Variants in RNF180 observed in about 807,000 individuals in gnomAD.
RNF180 encodes E3 ubiquitin-protein ligase RNF180.
Under a neutral mutation model 59.2 loss-of-function variants are expected in RNF180, and 38 were observed. The observed-to-expected ratio is 0.64, with a 90% CI of 0.50 to 0.84. RNF180 has a LOEUF of 0.84. Ranked by LOEUF, RNF180 falls within the 40% of genes least tolerant of loss-of-function variation. RNF180 has a pLI of 0.00. For synonymous variants in RNF180, 262 were observed against 240.3 expected (o/e 1.09, Z -0.84); for missense variants, 705 against 700.9 (o/e 1.01, Z -0.07).
chr5:64,200,242 G>A (rs1751672742), intron 1 of RNF180, among the ~76,000 whole-genome samples: 1 of 152,054 alleles, frequency 6.6e-6, no homozygotes, highest in Non-Finnish European at 1.5e-5. Context: ...ATACTAGCCT[G>A]TGCTACCAAG....
Position 64,370,348 on chromosome 5 carries a change from A to T in RNF180, c.*534A>T, listed in dbSNP as rs1236579147. Reference sequence around the variant, plus strand: ...TCCCTTTCTAGTACCAAGAAAACTGACTATTCTTTTTGTACAGATCTAATT... The same window carrying T: ...TCCCTTTCTAGTACCAAGAAAACTGTCTATTCTTTTTGTACAGATCTAATT... On this transcript the variant is annotated 3_prime_UTR_variant, in exon 8 of 8. Transcript: ENST00000389100. 1 of 151,874 alleles carries T rather than the reference A, an allele frequency of 6.6e-6. No homozygotes were observed. Among genetic ancestry groups the T allele is most frequent in the Non-Finnish European group, 1.5e-5 (1 of 67,906 alleles). 9.4% of individuals were successfully genotyped at this position (151,874 alleles called of 1,614,324 possible).
chr5:64,251,860 T>C (rs1743601959), intron 5 of RNF180, among the ~76,000 whole-genome samples: 1 of 151,754 alleles, frequency 6.6e-6, no homozygotes, highest in Non-Finnish European at 1.5e-5. Flanking sequence ...CAGAAAAAAA[T>C]ACCTAGAAAT....
At chr5:64,201,033 A>G in intron 2 of RNF180, 91 bp downstream of exon 2, 1 of 909,964 alleles carries the variant, frequency 1.1e-6, no homozygotes, top group East Asian at 2.8e-5. Flanking sequence ...TCTCTACCTT[A>G]TTAAGAATAT....
intron 2 of RNF180, among the ~76,000 whole-genome samples, chr5:64,208,643 T>C (rs1330522606): frequency 2.6e-5 from 4 of 152,080 alleles, no homozygotes; most frequent in East Asian, 1.9e-4. Flanking sequence ...GTGAAAGTAG[T>C]TGGCAGTTTC....
At chr5:64,317,339 A>G in intron 5 of RNF180, among the ~76,000 whole-genome samples, 1 of 152,108 alleles carries the variant, frequency 6.6e-6, no homozygotes, top group Non-Finnish European at 1.5e-5. Flanking sequence ...TATGTGTAAA[A>G]AATGTATGTC....
At chr5:64,283,663 T>A (rs1742128101) in intron 5 of RNF180, among the ~76,000 whole-genome samples, 1 of 152,184 alleles carries the variant, frequency 6.6e-6, no homozygotes, top group South Asian at 2.1e-4. Flanking sequence ...TTTCCCATGC[T>A]TGCACTTCTC....
chr5:64,293,318 A>G (rs1742708982), intron 5 of RNF180, among the ~76,000 whole-genome samples: 1 of 151,896 alleles, frequency 6.6e-6, no homozygotes, highest in Admixed American at 6.6e-5. Flanking sequence ...AGTCAGTCCA[A>G]ATGCAAGAAC....
intron 5 of RNF180, among the ~76,000 whole-genome samples, chr5:64,220,755 C>T (rs1741282961): frequency 6.6e-6 from 1 of 151,966 alleles, no homozygotes; most frequent in Non-Finnish European, 1.5e-5. Context: ...CCACAGGAAG[C>T]TGTTGTGAAA....
At chr5:64,263,861 T>A (rs188859629) in intron 5 of RNF180, among the ~76,000 whole-genome samples, 94 of 152,304 alleles carry the variant, frequency 6.2e-4, no homozygotes, top group African/African-American at 2.1e-3. Flanking sequence ...ATGTTTAGTC[T>A]TGTCTATTTT....
At position 64,209,745 on chromosome 5, in the gene RNF180, T is replaced by C. The variant is rs143921220; in HGVS notation, c.136-2320T>C. 4.4e-3 allele frequency among the ~76,000 whole-genome samples: 668 copies of C among 152,246 alleles called. 2 individuals are homozygous for C. Among genetic ancestry groups the C allele is most frequent in the African/African-American group, 0.016 (646 of 41,572 alleles). On this transcript the variant is annotated intron_variant, in intron 2 of 7. Coordinates refer to ENST00000389100, the MANE Select transcript of RNF180 (RefSeq NM_001113561.2). The stretch of plus-strand genomic sequence containing the variant: ...AAAAGATTACTTCATTTGTCAATTC[T>C]AGTTTGTATTCTCTGTAAGATTGTT...
chr5:64,355,025 CA>C (rs1745962466), intron 7 of RNF180, among the ~76,000 whole-genome samples: 1 of 151,812 alleles, frequency 6.6e-6, no homozygotes, highest in African/African-American at 2.4e-5. Flanking sequence ...TGAGGATGTC[CA>C]CTTTAACCAC....
chr5:64,284,738 T>C (rs1172041111), intron 5 of RNF180, among the ~76,000 whole-genome samples: 2 of 152,220 alleles, frequency 1.3e-5, no homozygotes, highest in African/African-American at 4.8e-5. Context: ...TTGTATTTCT[T>C]AGATTCCTTG....
In RNF180 at chr5:64,370,861, G is replaced by A. The variant is rs1746635986; in HGVS notation, c.*1047G>A. The A allele has an allele frequency of 6.6e-6, 1 of 151,280 alleles. No individual in the cohort carries two copies. 9.4% of individuals were successfully genotyped at this position (151,280 alleles called of 1,614,324 possible). ...ATTCTGGTGGTCTTTGTGAAACCTGGGACAAAGTTTTTATTATGAATTACT... is the reference window on the plus strand; with the variant it reads ...ATTCTGGTGGTCTTTGTGAAACCTGAGACAAAGTTTTTATTATGAATTACT... On this transcript the variant is annotated 3_prime_UTR_variant, in exon 8 of 8. Coordinates refer to ENST00000389100, the MANE Select transcript of RNF180 (RefSeq NM_001113561.2).
intron 5 of RNF180, among the ~76,000 whole-genome samples, chr5:64,271,737 G>T (rs1580155146): frequency 6.6e-6 from 1 of 150,976 alleles, no homozygotes; most frequent in African/African-American, 2.4e-5. Context: ...AAGATTATTT[G>T]TGCTTTTCTA....
At chr5:64,225,014 C>G (rs1308449453) in intron 5 of RNF180, among the ~76,000 whole-genome samples, 2 of 152,164 alleles carry the variant, frequency 1.3e-5, no homozygotes, top group Non-Finnish European at 2.9e-5. Context: ...ATTTTCTTGT[C>G]TCAATAAATT....
chr5:64,305,421 C>A (rs903324801), intron 5 of RNF180, among the ~76,000 whole-genome samples: 2 of 151,148 alleles, frequency 1.3e-5, no homozygotes, highest in South Asian at 2.1e-4. Context: ...CTGAGCTTAT[C>A]TTTTTCTTGT....
chr5:64,184,296 T>C (rs1361863869), intron 1 of RNF180, among the ~76,000 whole-genome samples: 2 of 152,242 alleles, frequency 1.3e-5, no homozygotes, highest in African/African-American at 4.8e-5. Flanking sequence ...ACCGTTGTCC[T>C]GTTTTTAGTG....
intron 5 of RNF180, among the ~76,000 whole-genome samples, chr5:64,301,873 T>C (rs1743177756): frequency 6.6e-6 from 1 of 151,618 alleles, no homozygotes; most frequent in Non-Finnish European, 1.5e-5. Flanking sequence ...ATGGCCCAGC[T>C]TGAAGGTTAA....
chr5:64,249,071 A>T (rs1166903111), intron 5 of RNF180, among the ~76,000 whole-genome samples: 1 of 152,188 alleles, frequency 6.6e-6, no homozygotes, highest in Non-Finnish European at 1.5e-5. Context: ...ACATAGACAC[A>T]GGCAGGGTAA....
Sources: gnomAD v4.1 joint callset for allele counts (sites outside exome capture counted in the v4.1 genomes callset) on GRCh38, gnomAD v4.1.1 for gene constraint, MANE v1.5 for transcripts, NCBI Gene and HGNC (gene_info 2026-07-23, HGNC 2026-07-21) for gene names.